USP18: variants seen among roughly 807,000 people sequenced by gnomAD.
USP18 encodes ubiquitin specific peptidase 18.
In USP18, 11 loss-of-function variants were observed where a neutral mutation model predicts 48.7. The ratio of observed to expected loss-of-function variants is 0.23; its 90% CI spans 0.14 to 0.37. The LOEUF (loss-of-function observed/expected upper bound fraction) is 0.37. USP18 is among the 10% of genes least tolerant of loss of function. The probability of loss-of-function intolerance (pLI) is 1.00; values close to 1 mark genes in which losing one functional copy is unlikely to be tolerated. For synonymous variants in USP18, 114 were observed against 163.2 expected (o/e 0.70, Z 2.30); for missense variants, 285 against 436.4 (o/e 0.65, Z 3.09).
intron 6 of USP18, among the ~76,000 whole-genome samples, chr22:18,169,602 C>T (rs1255222416): frequency 6.6e-6 from 1 of 152,120 alleles, no homozygotes; most frequent in Non-Finnish European, 1.5e-5. Context: ...CTGCTCCTCC[C>T]AGGTAAGACA....
chr22:18,154,448 A>G (rs1396371552), intron 1 of USP18, among the ~76,000 whole-genome samples: 1 of 152,026 alleles, frequency 6.6e-6, no homozygotes, highest in African/African-American at 2.4e-5. Flanking sequence ...ATTTTATTTC[A>G]TCTTATTTAT....
chr22:18,174,481 C>T (rs1468150081), intron 10 of USP18, among the ~76,000 whole-genome samples: 1 of 152,190 alleles, frequency 6.6e-6, no homozygotes, highest in East Asian at 1.9e-4. Flanking sequence ...CCACCTGCCT[C>T]AGCCTCCCAA....
At chr22:18,173,028 G>T (rs577472793) in intron 8 of USP18, 122 bp from the exon 9 acceptor site, 2 of 1,538,598 alleles carry the variant, frequency 1.3e-6, no homozygotes, top group Admixed American at 3.8e-5. Flanking sequence ...CTGGCTGTGG[G>T]TCGGGACTGT....
At chr22:18,167,603 C>T (rs548352943) in intron 5 of USP18, among the ~76,000 whole-genome samples, 8 of 147,580 alleles carry the variant, frequency 5.4e-5, no homozygotes, top group African/African-American at 1.0e-4. Context: ...GAGGCTGAGG[C>T]GGGAGAATGG....
At chr22:18,157,425 C>G (rs1245837661) in intron 1 of USP18, 133 bp from the exon 2 acceptor site, 2 of 500,988 alleles carry the variant, frequency 4.0e-6, no homozygotes, top group East Asian at 3.7e-5. Context: ...TCATTTCCAG[C>G]CTAGAGCTCT....
At chr22:18,152,433 C>T (rs1277725860) in intron 1 of USP18, among the ~76,000 whole-genome samples, 6 of 143,508 alleles carry the variant, frequency 4.2e-5, no homozygotes, top group African/African-American at 1.1e-4. Flanking sequence ...GATAACATTT[C>T]GGGAAGATCA....
In USP18 at chr22:18,160,129, C is replaced by T. The variant is rs776748772; in HGVS notation, c.158-43C>T. 6.3e-6 allele frequency: 10 copies of T among 1,587,660 alleles called. No homozygotes were observed. The South Asian group carries it at 9.9e-5, about 16-fold the overall frequency. On this transcript the variant is annotated intron_variant, in intron 2 of 10. Transcript: ENST00000215794. ...ATGCCCAGCCTTGTCAACTTCTTTACCCTAGGCCTTGCCCTCAGCATTTTT... is the reference window on the plus strand; with the variant it reads ...ATGCCCAGCCTTGTCAACTTCTTTATCCTAGGCCTTGCCCTCAGCATTTTT...
rs1292765777 is a variant in USP18, at chr22:18,167,923, G to A, written c.514G>A (p.Val172Met). The A allele has an allele frequency of 3.1e-6, 5 of 1,613,882 alleles. No homozygotes were observed. Among genetic ancestry groups the A allele is most frequent in the East Asian group, 2.2e-5 (1 of 44,882 alleles). Residue 172 changes from valine (V) to methionine (M), a missense_variant, in exon 6 of 11, where the codon GTG becomes ATG. Physicochemically the swap from Val to Met is conservative, Grantham distance 21 (BLOSUM62 1). Transcript: ENST00000215794. Reference protein sequence around the residue: ...ERLQALYTIRVKDSLICVDCA... With the variant: ...ERLQALYTIRMKDSLICVDCA... ...ACTGCAGGCCCTGTATACGATCCGG[G>A]TGAAGGACTCCTTGATTTGCGTTGA...
At chr22:18,153,409 A>G (rs1484571598) in intron 1 of USP18, among the ~76,000 whole-genome samples, 2 of 134,188 alleles carry the variant, frequency 1.5e-5, no homozygotes, top group Admixed American at 8.5e-5. Context: ...AGCCTGGGTA[A>G]AAAGAGTGAA....
chr22:18,150,260 C>A (rs1602514828), intron 1 of USP18, 38 bp downstream of exon 1: 1 of 152,320 alleles, frequency 6.6e-6, no homozygotes, highest in Admixed American at 6.5e-5. Context: ...TTCTTTCTAG[C>A]ACAGACATCC....
At chr22:18,172,308 T>C (rs930589787) in intron 8 of USP18, among the ~76,000 whole-genome samples, 1 of 152,224 alleles carries the variant, frequency 6.6e-6, no homozygotes, top group African/African-American at 2.4e-5. Context: ...CTATTTCATT[T>C]ATAAACACTT....
chr22:18,170,574 A>C (rs1193624477), intron 7 of USP18, among the ~76,000 whole-genome samples, 179 bp from the exon 8 acceptor site: 8 of 145,284 alleles, frequency 5.5e-5, no homozygotes, highest in African/African-American at 8.0e-5. Flanking sequence ...TGGTGGTAGA[A>C]TAGCCAAGTT....
chr22:18,152,059 T>C (rs1929012912), intron 1 of USP18, among the ~76,000 whole-genome samples: 1 of 151,506 alleles, frequency 6.6e-6, no homozygotes, highest in South Asian at 2.1e-4. Context: ...GTCTCAAAAA[T>C]AAAAATAAAA....
chr22:18,160,855 C>T (rs991824055), intron 3 of USP18, among the ~76,000 whole-genome samples: 3 of 149,474 alleles, frequency 2.0e-5, no homozygotes, highest in Admixed American at 6.7e-5. Flanking sequence ...CTGGAACCTC[C>T]GCCTCCCGGG....
chr22:18,151,752 G>A (rs1178154085), intron 1 of USP18, among the ~76,000 whole-genome samples: 3 of 151,968 alleles, frequency 2.0e-5, no homozygotes, highest in South Asian at 2.1e-4. Flanking sequence ...CGCATATTAC[G>A]ATTACTCAAG....
chr22:18,160,396 C>A (rs999852390), intron 3 of USP18, 128 bp downstream of exon 3: 1 of 1,131,380 alleles, frequency 8.8e-7, no homozygotes, highest in East Asian at 2.5e-5. Flanking sequence ...AGTTCTGCCT[C>A]CCGGGTTCAA....
chr22:18,168,838 C>A (rs913571652), intron 6 of USP18, among the ~76,000 whole-genome samples: 2 of 152,218 alleles, frequency 1.3e-5, no homozygotes, highest in African/African-American at 4.8e-5. Flanking sequence ...TCTCTGGCTT[C>A]TGGAAAGTCA....
chr22:18,158,925 C>T (rs983420926), intron 2 of USP18, among the ~76,000 whole-genome samples: 3 of 150,456 alleles, frequency 2.0e-5, no homozygotes, highest in African/African-American at 7.4e-5. Context: ...CTCAGTTATG[C>T]TTTCTCTAAT....
chr22:18,151,388 G>A (rs961256758), intron 1 of USP18, among the ~76,000 whole-genome samples: 1 of 152,172 alleles, frequency 6.6e-6, no homozygotes, highest in Non-Finnish European at 1.5e-5. Context: ...ATACTGAAAA[G>A]CATTTCATCT....
Sources: gnomAD v4.1 joint callset for allele counts (sites outside exome capture counted in the v4.1 genomes callset) on GRCh38, gnomAD v4.1.1 for gene constraint, MANE v1.5 for transcripts, NCBI Gene and HGNC (gene_info 2026-07-23, HGNC 2026-07-21) for gene names.